The following SS18L1 variants were observed in gnomAD, a reference collection of about 807,000 sequenced individuals.
The protein encoded by SS18L1 is calcium-responsive transactivator.
In SS18L1, 32 loss-of-function variants were observed where a neutral mutation model predicts 70.3. That is an observed-to-expected ratio of 0.46 (90% CI 0.34 to 0.61). The LOEUF (loss-of-function observed/expected upper bound fraction) is 0.61. Ranked by LOEUF, SS18L1 falls within the 20% of genes least tolerant of loss-of-function variation. SS18L1 has a pLI of 0.01. For synonymous variants in SS18L1, 237 were observed against 229.7 expected, an observed-to-expected ratio of 1.03 and a Z score of -0.29; for missense variants, 430 against 542.1, an observed-to-expected ratio of 0.79 and a Z score of 2.05.
At chr20:62,146,604 C>CCTTTTTTTTTTTTTTTTTTTTT (rs1339898731) in intron 1 of SS18L1, among the ~76,000 whole-genome samples, 2 of 34,158 alleles carry the variant, frequency 5.9e-5, no homozygotes, top group African/African-American at 2.4e-4. Context: ...CTGCTTTGAT[C>CCTTTTTTTTTTTTTTTTTTTTT]ATTTTTTTTT....
Position 62,174,696 on chromosome 20 carries a change from C to T in SS18L1, c.1164+52C>T. On this transcript the variant is annotated intron_variant, in intron 10 of 10. Transcript: ENST00000331758. This position sits in a 1 kb window ranked among gnomAD's most constrained non-coding sequence, Gnocchi z 4.1. ...TGCCCATCCGCCGCGCCTGTCGAGA[C>T]ATAATGAAGATTTCTCTTATGGCCA... 6.2e-7 allele frequency: 1 copy of T among 1,612,610 alleles called. No individual in the cohort carries two copies. The highest frequency in any genetic ancestry group is 1.1e-5 in the South Asian group (1 of 90,840).
chr20:62,162,354 G>A (rs1219665806), intron 4 of SS18L1, among the ~76,000 whole-genome samples: 1 of 152,060 alleles, frequency 6.6e-6, no homozygotes, highest in Non-Finnish European at 1.5e-5. Flanking sequence ...AGGCTGGAGT[G>A]CAATGGGCAT....
chr20:62,167,360 G>A (rs2057454242), intron 8 of SS18L1, among the ~76,000 whole-genome samples: 1 of 150,050 alleles, frequency 6.7e-6, no homozygotes, highest in African/African-American at 2.5e-5. Context: ...GGAGTTTGAG[G>A]CCAGCATGGG....
Position 62,174,792 on chromosome 20 carries a change from A to G in SS18L1, c.1164+148A>G. The G allele has an allele frequency of 6.5e-7, 1 of 1,546,216 alleles. No individual in the cohort carries two copies. Among genetic ancestry groups the G allele is most frequent in the Non-Finnish European group, 8.7e-7 (1 of 1,145,276 alleles). ...AGAACGTTAAGTCTCTGAGCCTGTAAGGTTTTGCAGAATTGCCTCTGTGTA... is the reference window on the plus strand; with the variant it reads ...AGAACGTTAAGTCTCTGAGCCTGTAGGGTTTTGCAGAATTGCCTCTGTGTA... On this transcript the variant is annotated intron_variant, in intron 10 of 10. Transcript: ENST00000331758. The surrounding 1 kb of genome is among the most constrained non-coding windows in gnomAD (Gnocchi z 4.1).
chr20:62,149,263 G>C (rs1237937662), intron 1 of SS18L1, among the ~76,000 whole-genome samples: 1 of 152,254 alleles, frequency 6.6e-6, no homozygotes, highest in East Asian at 1.9e-4. Flanking sequence ...CCTGGGAAGA[G>C]GGAGTGCAGG....
intron 1 of SS18L1, among the ~76,000 whole-genome samples, chr20:62,147,151 C>T (rs1363733313): frequency 4.6e-5 from 7 of 152,162 alleles, no homozygotes; most frequent in South Asian, 2.1e-4. Flanking sequence ...CAGAGGGTCC[C>T]GAGCCTGGCC....
rs748398807 is a variant in SS18L1, at chr20:62,172,743, G to A, written c.978G>A (p.Thr326=). Residue 326 remains threonine, a synonymous_variant, in exon 9 of 11, where the codon ACG becomes ACA. Transcript: ENST00000331758. Reference sequence around the variant, plus strand: ...AGCAGGGTGCCGCGCAGCAGCAGACGTACTCCCAGCAGCAGTACCCCAGCC... The same window carrying A: ...AGCAGGGTGCCGCGCAGCAGCAGACATACTCCCAGCAGCAGTACCCCAGCC... The part of the protein sequence containing the change: ...GYQQGAAQQQ[T]YSQQQYPSQQ... 9.3e-6 allele frequency: 15 copies of A among 1,613,876 alleles called. No individual in the cohort carries two copies. Among genetic ancestry groups the A allele is most frequent in the Middle Eastern group, 1.6e-4 (1 of 6,084 alleles).
intron 1 of SS18L1, among the ~76,000 whole-genome samples, chr20:62,146,874 C>A (rs185074296): frequency 2.6e-5 from 4 of 152,236 alleles, no homozygotes; most frequent in South Asian, 2.1e-4. Context: ...CCCCTCCCCC[C>A]CTTAGCCTCC....
At chr20:62,150,637 T>A (rs2057111944) in intron 1 of SS18L1, among the ~76,000 whole-genome samples, 2 of 56,064 alleles carry the variant, frequency 3.6e-5, no homozygotes, top group Non-Finnish European at 5.6e-5. Context: ...AGGTGGATTT[T>A]TTTTTTTTTT....
intron 1 of SS18L1, among the ~76,000 whole-genome samples, chr20:62,155,808 TACTC>T (rs1333944135): frequency 2.0e-5 from 3 of 152,172 alleles, no homozygotes; most frequent in African/African-American, 7.2e-5. Flanking sequence ...ATTCAGTTGT[TACTC>T]ATCCATGTGC....
At chr20:62,148,492 G>A (rs985858326) in intron 1 of SS18L1, among the ~76,000 whole-genome samples, 18 of 149,634 alleles carry the variant, frequency 1.2e-4, no homozygotes, top group East Asian at 7.9e-4. Context: ...TGCTCTCTTC[G>A]GTCAGGTGAG....
At chr20:62,165,371 C>T (rs1349028418) in intron 7 of SS18L1, 51 bp from the exon 8 acceptor site, 2 of 1,555,880 alleles carry the variant, frequency 1.3e-6, no homozygotes, top group African/African-American at 1.4e-5. Flanking sequence ...TCCTCCGGGA[C>T]CTGTGCAGTG....
chr20:62,153,775 G>A (rs1245847659), intron 1 of SS18L1, among the ~76,000 whole-genome samples: 1 of 152,140 alleles, frequency 6.6e-6, no homozygotes, highest in African/African-American at 2.4e-5. Context: ...ACCATTGGCC[G>A]AATTCCTTTG....
chr20:62,175,420 G>C, intron 10 of SS18L1: 1 of 985,386 alleles, frequency 1.0e-6, no homozygotes, highest in Non-Finnish European at 1.2e-6. Flanking sequence ...AGGAGCGAGG[G>C]CCTCCTAGAG....
In SS18L1 at chr20:62,179,624, T is replaced by G; in HGVS notation, c.*416T>G. On this transcript the variant is annotated 3_prime_UTR_variant, in exon 11 of 11. Transcript: ENST00000331758. ...TCATTTTCCTCCTCATGCAGTGTTG[T>G]AGTGTGGGTTGTCAACTTTTCTTTA... The G allele has an allele frequency of 4.1e-6, 1 of 243,804 alleles. No homozygotes were observed. Among genetic ancestry groups the G allele is most frequent in the East Asian group, 5.9e-5 (1 of 16,824 alleles). The allele number at this position is 243,804 out of a possible 1,614,324, so 15.1% of individuals were successfully genotyped here.
At chr20:62,145,533 G>A (rs1038308034) in intron 1 of SS18L1, among the ~76,000 whole-genome samples, 2 of 152,230 alleles carry the variant, frequency 1.3e-5, no homozygotes, top group African/African-American at 4.8e-5. Flanking sequence ...GCTACCTTTG[G>A]CTGCAACGTT....
At chr20:62,176,147 G>A (rs1272061467) in intron 10 of SS18L1, among the ~76,000 whole-genome samples, 1 of 152,238 alleles carries the variant, frequency 6.6e-6, no homozygotes, top group East Asian at 1.9e-4. Context: ...TAACTTATTT[G>A]GATTTTGTGA....
chr20:62,167,982 T>G (rs908457458), intron 8 of SS18L1, among the ~76,000 whole-genome samples: 1 of 102,426 alleles, frequency 9.8e-6, no homozygotes, highest in African/African-American at 6.0e-5. Context: ...GGCCTGGCTT[T>G]TTTTTTTTTT....
chr20:62,154,478 CT>C, intron 1 of SS18L1: 1 of 1,025,348 alleles, frequency 9.8e-7, no homozygotes, highest in South Asian at 4.6e-5. Context: ...GAGTTCATCT[CT>C]CCTCCAGAGC....
Sources: allele counts gnomAD v4.1 joint callset (sites outside exome capture counted in the v4.1 genomes callset), GRCh38; gene constraint gnomAD v4.1.1; non-coding constraint Gnocchi (gnomAD v3.1); transcripts MANE v1.5; gene names NCBI Gene and HGNC (gene_info 2026-07-23, HGNC 2026-07-21).